Variants in KCNIP4 observed in about 807,000 individuals in gnomAD.
The protein encoded by KCNIP4 is Kv channel-interacting protein 4.
In KCNIP4, 12 loss-of-function variants were observed where a neutral mutation model predicts 34.0. The observed-to-expected ratio is 0.35, with a 90% CI of 0.23 to 0.57. The LOEUF (loss-of-function observed/expected upper bound fraction) is 0.57. Ranked by LOEUF, KCNIP4 falls within the 20% of genes least tolerant of loss-of-function variation. The pLI is 0.83. For synonymous variants in KCNIP4, 124 were observed against 102.2 expected, an observed-to-expected ratio of 1.21 and a Z score of -1.29; for missense variants, 238 against 311.7, an observed-to-expected ratio of 0.76 and a Z score of 1.78.
At chr4:20,853,815 C>T (rs973936326) in intron 2 of KCNIP4, among the ~76,000 whole-genome samples, 1 of 151,938 alleles carries the variant, frequency 6.6e-6, no homozygotes, top group Non-Finnish European at 1.5e-5. Flanking sequence ...ACCAACAATC[C>T]CATCAAAAAG....
chr4:21,473,994 G>A (rs1052721337), intron 1 of KCNIP4, among the ~76,000 whole-genome samples: 16 of 152,178 alleles, frequency 1.1e-4, no homozygotes, highest in African/African-American at 3.6e-4. Context: ...CATTACAGGC[G>A]TGAGCCACCA....
chr4:20,922,462 T>C (rs1157219220), intron 1 of KCNIP4, among the ~76,000 whole-genome samples: 2 of 152,112 alleles, frequency 1.3e-5, no homozygotes, highest in Non-Finnish European at 2.9e-5. Context: ...GCTATCCTGG[T>C]TTGCCAGCTT....
At chr4:21,538,626 C>A (rs1437986359) in intron 1 of KCNIP4, among the ~76,000 whole-genome samples, 2 of 152,066 alleles carry the variant, frequency 1.3e-5, no homozygotes, top group Non-Finnish European at 2.9e-5. Context: ...TATTTTATGC[C>A]CCATGCTTGT....
intron 1 of KCNIP4, among the ~76,000 whole-genome samples, chr4:21,052,990 C>G (rs73101743): frequency 0.1 from 15,744 of 151,244 alleles, 888 homozygotes; most frequent in South Asian, 0.15. Flanking sequence ...AGAGATCAAT[C>G]TGAGAGAGAA....
chr4:21,297,033 T>C (rs929396331), intron 1 of KCNIP4, among the ~76,000 whole-genome samples: 6 of 151,578 alleles, frequency 4.0e-5, no homozygotes, highest in African/African-American at 1.5e-4. Context: ...TACGTATGTG[T>C]GTGTGCGTGT....
At chr4:21,624,385 C>A (rs1251184718) in intron 1 of KCNIP4, among the ~76,000 whole-genome samples, 1 of 152,012 alleles carries the variant, frequency 6.6e-6, no homozygotes, top group Non-Finnish European at 1.5e-5. Flanking sequence ...TATATTTATA[C>A]ACTAAGTGAA....
intron 1 of KCNIP4, among the ~76,000 whole-genome samples, chr4:21,680,882 A>T (rs1385984580): frequency 6.6e-6 from 1 of 152,136 alleles, no homozygotes; most frequent in Non-Finnish European, 1.5e-5. Flanking sequence ...GACAGAGTAG[A>T]TTTAGCATAA....
chr4:21,071,717 T>C (rs951915095), intron 1 of KCNIP4, among the ~76,000 whole-genome samples: 4 of 152,174 alleles, frequency 2.6e-5, no homozygotes, highest in Non-Finnish European at 4.4e-5. Flanking sequence ...TATGTATACA[T>C]GTGCCATGTT....
chr4:21,591,938 G>A lies in KCNIP4; in HGVS notation c.61+356633C>T, dbSNP rs370135095. ...AATTGTTCTAATTGAATGACTTGGCGAAGGGAGGCACCATTGAAAGCCACA... is the reference window on the plus strand; with the variant it reads ...AATTGTTCTAATTGAATGACTTGGCAAAGGGAGGCACCATTGAAAGCCACA... On this transcript the variant is annotated intron_variant, in intron 1 of 8. Transcript: ENST00000382152. Among the ~76,000 whole-genome samples the A allele has an allele frequency of 1.8e-4, 28 of 152,166 alleles. No homozygotes were observed. The East Asian group carries it at 5.0e-3, about 27-fold the overall frequency.
At chr4:21,499,655 TAAG>T (rs977409014) in intron 1 of KCNIP4, among the ~76,000 whole-genome samples, 14 of 152,254 alleles carry the variant, frequency 9.2e-5, no homozygotes, top group Admixed American at 2.0e-4. Flanking sequence ...GGATGTCATG[TAAG>T]AAGTCTTATA....
intron 3 of KCNIP4, among the ~76,000 whole-genome samples, chr4:20,780,896 A>G (rs1756813023): frequency 6.6e-6 from 1 of 152,174 alleles, no homozygotes; most frequent in Admixed American, 6.6e-5. Context: ...TGTACTCAAA[A>G]ATATCCTAAT....
chr4:21,462,224 C>T (rs1266312119), intron 1 of KCNIP4, among the ~76,000 whole-genome samples: 1 of 152,066 alleles, frequency 6.6e-6, no homozygotes, highest in Admixed American at 6.6e-5. Flanking sequence ...TGTGTTTTCA[C>T]CCTGCTGATA....
chr4:21,536,428 G>A (rs1275724195), intron 1 of KCNIP4, among the ~76,000 whole-genome samples: 3 of 152,082 alleles, frequency 2.0e-5, no homozygotes, highest in African/African-American at 4.8e-5. Flanking sequence ...ACCAAAATAC[G>A]AATGAAAGGA....
intron 3 of KCNIP4, among the ~76,000 whole-genome samples, chr4:20,833,607 T>A (rs1422856111): frequency 6.6e-6 from 1 of 152,168 alleles, no homozygotes; most frequent in East Asian, 1.9e-4. Flanking sequence ...TTCCACCTAC[T>A]TTTCTAACAC....
At chr4:21,540,783 C>T (rs1737614411) in intron 1 of KCNIP4, among the ~76,000 whole-genome samples, 1 of 152,042 alleles carries the variant, frequency 6.6e-6, no homozygotes, top group South Asian at 2.1e-4. Flanking sequence ...GTTTGGAGGC[C>T]CTGCTGTAGG....
intron 3 of KCNIP4, among the ~76,000 whole-genome samples, chr4:20,825,300 T>C (rs1056127533): frequency 1.4e-5 from 2 of 147,482 alleles, no homozygotes; most frequent in African/African-American, 5.1e-5. Context: ...GATAGTTGTA[T>C]GGAGACAATT....
chr4:21,483,134 A>G, intron 1 of KCNIP4, among the ~76,000 whole-genome samples: 1 of 150,974 alleles, frequency 6.6e-6, no homozygotes, highest in Admixed American at 6.6e-5. Flanking sequence ...GTAAATGATG[A>G]GTTAATGGGT....
intron 1 of KCNIP4, among the ~76,000 whole-genome samples, chr4:21,855,407 T>C (rs763160916): frequency 2.1e-4 from 32 of 152,222 alleles, no homozygotes; most frequent in Non-Finnish European, 3.4e-4. Flanking sequence ...GCTGTGACCT[T>C]TCAAGCAAAT....
chr4:21,001,149 G>A (rs896740372), intron 1 of KCNIP4, among the ~76,000 whole-genome samples: 1 of 152,108 alleles, frequency 6.6e-6, no homozygotes, highest in Non-Finnish European at 1.5e-5. Flanking sequence ...AATATCTACC[G>A]AAAGCAACAA....
Sources: gnomAD v4.1 joint callset for allele counts (sites outside exome capture counted in the v4.1 genomes callset) on GRCh38, gnomAD v4.1.1 for gene constraint, MANE v1.5 for transcripts, NCBI Gene and HGNC (gene_info 2026-07-23, HGNC 2026-07-21) for gene names.